ASCC3: variants seen among roughly 807,000 people sequenced by gnomAD.
ASCC3 encodes the protein activating signal cointegrator 1 complex subunit 3.
A neutral mutation model predicts 256.3 loss-of-function variants in ASCC3; 158 were observed. That is an observed-to-expected ratio of 0.62 (90% CI 0.54 to 0.70). The LOEUF (loss-of-function observed/expected upper bound fraction) is 0.70, where lower values mean the gene tolerates loss of function less well. ASCC3 is among the 30% of genes least tolerant of loss of function. The pLI, the probability that ASCC3 is intolerant of heterozygous loss-of-function variation, is 0.00. For missense variants in ASCC3, 2,259 were observed against 2,626.0 expected, an observed-to-expected ratio of 0.86 and a Z score of 3.05; for synonymous variants, 948 against 883.4, an observed-to-expected ratio of 1.07 and a Z score of -1.30.
Position 100,679,647 on chromosome 6 carries a change from C to T in ASCC3, c.2257G>A (p.Gly753Arg), listed in dbSNP as rs1777195428. ...TTTTCTGCAAGTACATAGTCATGTC[C>T]TTGGGTAGGAAAAAAGAAGGGAATA... is the stretch of plus-strand genomic sequence containing the variant. The part of the protein sequence containing the change: ...GHIPFFFPTQ[G>R]HDYVLAEKQV... Residue 753 changes from glycine (G) to arginine (R), a missense_variant, in exon 14 of 42, where the codon GGA becomes AGA. Transcript: ENST00000369162. 1 of 1,613,412 alleles carries T rather than the reference C, an allele frequency of 6.2e-7. No individual in the cohort carries two copies. The highest frequency in any genetic ancestry group is 8.5e-7 in the Non-Finnish European group (1 of 1,179,674).
intron 37 of ASCC3, among the ~76,000 whole-genome samples, chr6:100,522,585 T>C (rs1774365198): frequency 6.6e-6 from 1 of 151,654 alleles, no homozygotes. Context: ...TGAACACGCA[T>C]GGAGCAGAGA....
intron 30 of ASCC3, among the ~76,000 whole-genome samples, chr6:100,614,941 T>C (rs773479613): frequency 6.6e-6 from 1 of 152,204 alleles, no homozygotes; most frequent in Non-Finnish European, 1.5e-5. Flanking sequence ...ACTATCTTCA[T>C]GATTGAGAAT....
chr6:100,847,539 C>A (rs1296714808), intron 4 of ASCC3, among the ~76,000 whole-genome samples: 1 of 152,066 alleles, frequency 6.6e-6, no homozygotes, highest in African/African-American at 2.4e-5. Flanking sequence ...TTCCAATACT[C>A]AATGTGATTT....
At chr6:100,761,505 A>G (rs932065882) in intron 10 of ASCC3, among the ~76,000 whole-genome samples, 9 of 152,164 alleles carry the variant, frequency 5.9e-5, no homozygotes, top group African/African-American at 1.9e-4. Flanking sequence ...TAAAAATATA[A>G]AAAACGAAGA....
chr6:100,804,361 G>C (rs9377233), intron 5 of ASCC3, among the ~76,000 whole-genome samples: 10,059 of 152,088 alleles, frequency 0.066, 762 homozygotes, highest in East Asian at 0.3. Flanking sequence ...AAAATAAAAA[G>C]TTGGAGAGAA....
chr6:100,704,581 A>G lies in ASCC3; in HGVS notation c.2151+10881T>C, dbSNP rs558053539. On this transcript the variant is annotated intron_variant, in intron 13 of 41. Transcript: ENST00000369162. ...TAGAAATAAAAATAATTTTCTTCAG[A>G]TAGTAATAAATTAATCTATAATTAT... Among the ~76,000 whole-genome samples the G allele has an allele frequency of 2.4e-4, 36 of 152,160 alleles. No homozygotes were observed. In the South Asian group the frequency reaches 7.2e-3, roughly 31 times the overall value.
intron 3 of ASCC3, among the ~76,000 whole-genome samples, chr6:100,849,826 G>A (rs1452894627): frequency 6.6e-6 from 1 of 151,914 alleles, no homozygotes. Flanking sequence ...ACATGACTCT[G>A]CAGTTGCTCC....
chr6:100,662,545 C>A lies in ASCC3; in HGVS notation c.2287-9G>T, dbSNP rs1776278509. ...TTTCTCGACCTTTGTACCTAGATACCAAGAAAGCGTAAGAGTATTATTTAG... is the reference window on the plus strand; with the variant it reads ...TTTCTCGACCTTTGTACCTAGATACAAAGAAAGCGTAAGAGTATTATTTAG... On this transcript the variant is annotated splice_polypyrimidine_tract_variant and intron_variant, in intron 14 of 41. Transcript: ENST00000369162. 6.2e-7 allele frequency: 1 copy of A among 1,611,396 alleles called. No individual in the cohort carries two copies. Among genetic ancestry groups the A allele is most frequent in the African/African-American group, 1.3e-5 (1 of 74,754 alleles).
intron 36 of ASCC3, among the ~76,000 whole-genome samples, chr6:100,565,453 G>A (rs1770186748): frequency 6.6e-6 from 1 of 151,992 alleles, no homozygotes; most frequent in Admixed American, 6.6e-5. Context: ...TTACTAAGTG[G>A]CTTTTTAAAA....
At chr6:100,771,886 T>G (rs913747674) in intron 8 of ASCC3, among the ~76,000 whole-genome samples, 15 of 141,842 alleles carry the variant, frequency 1.1e-4, no homozygotes, top group East Asian at 2.0e-4. Flanking sequence ...TTTTTTTTTT[T>G]TTTTTTTTTG....
rs997180 is a variant in ASCC3 at position 100,865,613 on chromosome 6, C to T, written c.91-1399G>A. Among the ~76,000 whole-genome samples the T allele has an allele frequency of 1.4e-4, 22 of 152,188 alleles. No homozygotes were observed. In the South Asian group the frequency reaches 1.7e-3, roughly 11 times the overall value. On this transcript the variant is annotated intron_variant, in intron 2 of 41. Transcript: ENST00000369162. The stretch of plus-strand genomic sequence containing the variant: ...ACAAACCTGTTACAAAACTCCTTCC[C>T]GGTATCAATCTTTGAGTGAAACTAT...
intron 8 of ASCC3, among the ~76,000 whole-genome samples, chr6:100,768,403 G>A (rs1252804533): frequency 6.6e-6 from 1 of 151,986 alleles, no homozygotes; most frequent in Non-Finnish European, 1.5e-5. Context: ...ACACTGGTTG[G>A]GATTACTGGC....
intron 6 of ASCC3, among the ~76,000 whole-genome samples, chr6:100,799,942 AAAT>A (rs1377804563): frequency 6.6e-6 from 1 of 152,044 alleles, no homozygotes; most frequent in African/African-American, 2.4e-5. Context: ...TTCTACTTCT[AAAT>A]AACAACAATT....
At chr6:100,802,137 A>T (rs955369045) in intron 5 of ASCC3, among the ~76,000 whole-genome samples, 6 of 151,880 alleles carry the variant, frequency 4.0e-5, no homozygotes, top group Admixed American at 6.6e-5. Flanking sequence ...GCTGAGTATA[A>T]CAGGCAATTT....
At chr6:100,682,918 C>T (rs1447434156) in intron 13 of ASCC3, among the ~76,000 whole-genome samples, 1 of 152,034 alleles carries the variant, frequency 6.6e-6, no homozygotes, top group East Asian at 1.9e-4. Flanking sequence ...CTGGGTCCTC[C>T]CTTAAAGCCA....
chr6:100,711,310 TA>T (rs1372071096), intron 13 of ASCC3, among the ~76,000 whole-genome samples: 1 of 152,222 alleles, frequency 6.6e-6, no homozygotes, highest in African/African-American at 2.4e-5. Context: ...TAAGATGTGG[TA>T]GGTATTTTCC....
intron 8 of ASCC3, among the ~76,000 whole-genome samples, chr6:100,785,075 A>G (rs1305929326): frequency 6.6e-6 from 1 of 152,102 alleles, no homozygotes; most frequent in Non-Finnish European, 1.5e-5. Flanking sequence ...GGACACTGTT[A>G]TTTTCTCTTT....
chr6:100,777,476 A>AAAC (rs1782245416), intron 8 of ASCC3, among the ~76,000 whole-genome samples: 1 of 149,446 alleles, frequency 6.7e-6, no homozygotes. Flanking sequence ...GGTGGAAGAC[A>AAAC]AAAAAAAATC....
At chr6:100,609,602 G>GTA (rs1773288427) in intron 30 of ASCC3, among the ~76,000 whole-genome samples, 1 of 151,994 alleles carries the variant, frequency 6.6e-6, no homozygotes, top group African/African-American at 2.4e-5. Context: ...AAAATTTGTT[G>GTA]TAAAGAACTA....
Sources: gnomAD v4.1 joint callset for allele counts (sites outside exome capture counted in the v4.1 genomes callset) on GRCh38, gnomAD v4.1.1 for gene constraint, MANE v1.5 for transcripts, NCBI Gene and HGNC (gene_info 2026-07-23, HGNC 2026-07-21) for gene names.